The following TBL1Y variants were observed in gnomAD, a reference collection of about 807,000 sequenced individuals.
TBL1Y encodes F-box-like/WD repeat-containing protein TBL1Y.
Under a neutral mutation model 12.0 loss-of-function variants are expected in TBL1Y, and 15 were observed. The observed-to-expected ratio is 1.25, with a 90% confidence interval of 0.83 to 1.92. TBL1Y has a LOEUF of 1.92. TBL1Y is among the 40% of genes most tolerant of loss of function. The probability of loss-of-function intolerance (pLI) is 0.00; values close to 1 mark genes in which losing one functional copy is unlikely to be tolerated. For missense variants in TBL1Y, 148 were observed against 116.7 expected, an observed-to-expected ratio of 1.27 and a Z score of -1.24; for synonymous variants, 53 against 42.6, an observed-to-expected ratio of 1.24 and a Z score of -0.95.
intron 2 of TBL1Y, among the ~76,000 whole-genome samples, chrY:6,931,252 G>T: frequency 6.1e-5 from 2 of 32,927 alleles, no homozygotes; most frequent in African/African-American, 2.4e-4. Flanking sequence ...TTAGCTGGGT[G>T]TGGTGGTGCA....
rs776653420 is a variant in TBL1Y, at chrY:7,086,426, C to T, written c.1280+9C>T. On this transcript the variant is annotated intron_variant, in intron 16 of 18. Coordinates refer to ENST00000383032, the MANE Select transcript of TBL1Y (RefSeq NM_033284.2). ...AGCATCATGTTGGCAAGGTAAGGGC[C>T]GGCAGCACAACTGGTACAGCTCCGC... 1.1e-5 allele frequency: 4 copies of T among 380,050 alleles called. No individual in the cohort carries two copies. The highest frequency in any genetic ancestry group is 3.0e-5 in the South Asian group (1 of 32,947). The allele number at this position is 380,050 out of a possible 400,897, so 94.8% of individuals were successfully genotyped here. A position where few individuals can be genotyped will look rare whatever the true frequency, so the allele number is the denominator to read the frequency against.
chrY:7,044,092 C>G (rs2012744912), intron 7 of TBL1Y, among the ~76,000 whole-genome samples: 1 of 33,672 alleles, frequency 3.0e-5, no homozygotes, highest in Non-Finnish European at 7.4e-5. Context: ...ACACCCCTTT[C>G]CCTGTCTTGC....
intron 2 of TBL1Y, among the ~76,000 whole-genome samples, chrY:6,954,992 A>G (rs2012061555): frequency 2.9e-5 from 1 of 33,899 alleles, no homozygotes. Flanking sequence ...GATTGTTTTA[A>G]GTTGAAATCT....
intron 2 of TBL1Y, among the ~76,000 whole-genome samples, chrY:6,965,387 C>T: frequency 3.1e-5 from 1 of 32,785 alleles, no homozygotes; most frequent in Non-Finnish European, 7.4e-5. Flanking sequence ...CTCTTCTTCA[C>T]AATCTATTAC....
At chrY:6,974,752 T>C (rs2012227548) in intron 2 of TBL1Y, among the ~76,000 whole-genome samples, 1 of 34,057 alleles carries the variant, frequency 2.9e-5, no homozygotes, top group Non-Finnish European at 7.3e-5. Flanking sequence ...GCCATGTTAC[T>C]TGCAGTTTCA....
chrY:7,026,125 C>T (rs927379507), intron 6 of TBL1Y, among the ~76,000 whole-genome samples: 1 of 33,374 alleles, frequency 3.0e-5, no homozygotes, highest in African/African-American at 1.2e-4. Flanking sequence ...CCCAGGCAAA[C>T]GTGATCAAGT....
At chrY:6,974,054 T>A in intron 2 of TBL1Y, among the ~76,000 whole-genome samples, 1 of 33,653 alleles carries the variant, frequency 3.0e-5, no homozygotes, top group Admixed American at 2.7e-4. Context: ...CATCCTACAG[T>A]GTGCATCACA....
intron 2 of TBL1Y, among the ~76,000 whole-genome samples, chrY:6,955,418 G>A (rs2012064307): frequency 5.9e-5 from 2 of 33,913 alleles, no homozygotes; most frequent in Non-Finnish European, 1.5e-4. Context: ...AGTGACTCAG[G>A]TTAAATTGAA....
chrY:6,988,361 A>G, intron 3 of TBL1Y, among the ~76,000 whole-genome samples: 1 of 33,147 alleles, frequency 3.0e-5, no homozygotes, highest in Non-Finnish European at 7.4e-5. Flanking sequence ...AACACTACAT[A>G]AAAAACAGAA....
At chrY:7,014,041 G>A in intron 4 of TBL1Y, among the ~76,000 whole-genome samples, 1 of 33,569 alleles carries the variant, frequency 3.0e-5, no homozygotes, top group African/African-American at 1.2e-4. Context: ...CTATTGGGAA[G>A]GCATAATTGT....
intron 8 of TBL1Y, among the ~76,000 whole-genome samples, chrY:7,069,394 G>T: frequency 3.0e-5 from 1 of 33,656 alleles, no homozygotes; most frequent in Admixed American, 2.7e-4. Flanking sequence ...AGAATTTGCT[G>T]TCATGATTCT....
chrY:6,929,803 T>TA lies in TBL1Y; in HGVS notation c.-266+17639dup, dbSNP rs773253728. 4.2e-4 allele frequency among the ~76,000 whole-genome samples: 14 copies of TA among 33,532 alleles called. No individual in the cohort carries two copies. In the East Asian group the frequency reaches 6.3e-3, roughly 15 times the overall value. The allele number at this position is 33,532 out of a possible 37,273, so 90.0% of individuals were successfully genotyped here. A position where few individuals can be genotyped will look rare whatever the true frequency, so the allele number is the denominator to read the frequency against. On this transcript the variant is annotated intron_variant, in intron 2 of 18. Transcript: ENST00000383032. ...TGAAATATTTATGTCTACTTTTCTT[T>TA]AAAAAAAACCCTGTTACTTCTCTTT...
chrY:6,948,972 G>GA (rs2012006779), intron 2 of TBL1Y, among the ~76,000 whole-genome samples: 3 of 31,796 alleles, frequency 9.4e-5, no homozygotes, highest in Non-Finnish European at 1.5e-4. Flanking sequence ...AGTAATACAG[G>GA]AAAAAAAATC....
intron 16 of TBL1Y, among the ~76,000 whole-genome samples, chrY:7,086,738 T>C (rs866297133): frequency 2.0e-4 from 6 of 30,184 alleles, no homozygotes; most frequent in Admixed American, 3.2e-4. Flanking sequence ...TGGTGGTGCA[T>C]ACCTGTAATC....
chrY:7,041,882 G>T (rs2012723523), intron 6 of TBL1Y, among the ~76,000 whole-genome samples: 16 of 32,240 alleles, frequency 5.0e-4, no homozygotes, highest in Admixed American at 1.7e-3. Flanking sequence ...CAAGAGCAAG[G>T]CATGGCTTTC....
intron 2 of TBL1Y, among the ~76,000 whole-genome samples, chrY:6,967,394 C>CT (rs1603031552): frequency 6.8e-4 from 20 of 29,397 alleles, no homozygotes; most frequent in African/African-American, 2.1e-3. Flanking sequence ...TGTGGTGTGA[C>CT]TTTTTTTTTT....
Position 7,062,109 on chromosome Y carries a change from C to T in TBL1Y, c.205-1788C>T, listed in dbSNP as rs756488097. On this transcript the variant is annotated intron_variant, in intron 7 of 18. Coordinates refer to ENST00000383032, the MANE Select transcript of TBL1Y (RefSeq NM_033284.2). ...AATTTGGAATGGGATCTGAGGTGGC[C>T]GTGGCTGTCTGAGGGGAAAGACTGG... Among the ~76,000 whole-genome samples the T allele has an allele frequency of 2.3e-3, 73 of 31,719 alleles. No individual in the cohort carries two copies. The Middle Eastern group carries it at 0.043, about 19-fold the overall frequency. The allele number at this position is 31,719 out of a possible 37,273, so 85.1% of individuals were successfully genotyped here. A position where few individuals can be genotyped will look rare whatever the true frequency, so the allele number is the denominator to read the frequency against.
chrY:7,036,066 C>T (rs2012690920), intron 6 of TBL1Y, among the ~76,000 whole-genome samples: 1 of 33,151 alleles, frequency 3.0e-5, no homozygotes, highest in Non-Finnish European at 7.4e-5. Context: ...CAGTGGCTGC[C>T]GGGAGTCCAG....
At chrY:6,944,532 A>G (rs2011972026) in intron 2 of TBL1Y, among the ~76,000 whole-genome samples, 1 of 33,326 alleles carries the variant, frequency 3.0e-5, no homozygotes, top group Non-Finnish European at 7.4e-5. Flanking sequence ...TCTGTCTTGT[A>G]ATCCTGAAAC....
Sources: gnomAD v4.1 joint callset for allele counts (sites outside exome capture counted in the v4.1 genomes callset) on GRCh38, gnomAD v4.1.1 for gene constraint, MANE v1.5 for transcripts, NCBI Gene and HGNC (gene_info 2026-07-23, HGNC 2026-07-21) for gene names.